Variants in RHOBTB1 observed in about 807,000 individuals in gnomAD.
RHOBTB1 encodes rho-related BTB domain-containing protein 1.
RHOBTB1 carries 40 observed loss-of-function variants against 71.6 expected under a neutral mutation model. That is an observed-to-expected ratio of 0.56 (90% confidence interval 0.43 to 0.73). RHOBTB1 has a LOEUF of 0.73. RHOBTB1 is among the 30% of genes least tolerant of loss of function. The pLI, the probability that RHOBTB1 is intolerant of heterozygous loss-of-function variation, is 0.00. For missense variants in RHOBTB1, 797 were observed against 894.0 expected (o/e 0.89, Z 1.38); for synonymous variants, 319 against 334.9 (o/e 0.95, Z 0.52).
chr10:60,963,390 T>C (rs1295814863), intron 2 of RHOBTB1, among the ~76,000 whole-genome samples: 1 of 152,194 alleles, frequency 6.6e-6, no homozygotes, highest in Non-Finnish European at 1.5e-5. Flanking sequence ...GAAAGATAAA[T>C]TCTCAGGTAT....
chr10:60,943,830 A>G (rs1241638474), intron 1 of RHOBTB1, 141 bp downstream of exon 1: 1 of 148,994 alleles, frequency 6.7e-6, no homozygotes, highest in East Asian at 2.0e-4. Context: ...CGGTCCCACA[A>G]CTCTCTCTCG....
intron 2 of RHOBTB1, among the ~76,000 whole-genome samples, chr10:60,982,664 T>G (rs1206541404): frequency 2.0e-5 from 3 of 152,128 alleles, no homozygotes; most frequent in African/African-American, 7.2e-5. Context: ...TTCCTCCTAT[T>G]GGGAACCTCT....
At chr10:60,940,259 A>AATAATTTG (rs1301331788) in intron 2 of RHOBTB1, among the ~76,000 whole-genome samples, 2 of 152,328 alleles carry the variant, frequency 1.3e-5, no homozygotes, top group African/African-American at 4.8e-5. Flanking sequence ...GGTTTGCTTT[A>AATAATTTG]ATAATTTGTT....
intron 2 of RHOBTB1, among the ~76,000 whole-genome samples, chr10:60,932,456 T>C (rs1401962647): frequency 6.7e-6 from 1 of 149,344 alleles, no homozygotes; most frequent in Non-Finnish European, 1.5e-5. Flanking sequence ...CATCAAGCTG[T>C]ACATTTGCGA....
chr10:60,901,618 A>G (rs1317019498), intron 4 of RHOBTB1, among the ~76,000 whole-genome samples: 1 of 152,224 alleles, frequency 6.6e-6, no homozygotes, highest in African/African-American at 2.4e-5. Context: ...TTGAAAGGAA[A>G]AACTGTATGG....
chr10:60,902,188 G>A (rs1227934185), intron 4 of RHOBTB1, among the ~76,000 whole-genome samples: 7 of 152,220 alleles, frequency 4.6e-5, no homozygotes, highest in Non-Finnish European at 1.0e-4. Context: ...GTGGCACAGA[G>A]AATGGTACAT....
chr10:60,996,221 C>G (rs988080863), intron 1 of RHOBTB1, among the ~76,000 whole-genome samples: 3 of 152,176 alleles, frequency 2.0e-5, no homozygotes, highest in African/African-American at 7.2e-5. Flanking sequence ...AATGAAGACT[C>G]TTTATTTTCC....
chr10:60,988,394 A>G (rs1305118325), intron 1 of RHOBTB1, among the ~76,000 whole-genome samples: 2 of 151,988 alleles, frequency 1.3e-5, no homozygotes, highest in African/African-American at 4.8e-5. Flanking sequence ...TTTGGGGTAC[A>G]AATTTTCCTG....
the RHOBTB1 span, among the ~76,000 whole-genome samples, chr10:60,862,167 T>C: frequency 6.6e-6 from 1 of 151,330 alleles, no homozygotes; most frequent in Non-Finnish European, 1.5e-5. Context: ...TTCCTCTCTC[T>C]CTTTCTTTCT....
intron 2 of RHOBTB1, among the ~76,000 whole-genome samples, chr10:60,939,108 T>C (rs1032649474): frequency 6.6e-6 from 1 of 152,308 alleles, no homozygotes; most frequent in Non-Finnish European, 1.5e-5. Context: ...ATTGCTTTCT[T>C]CTAGACCTAT....
At chr10:60,906,262 T>G (rs2082670674) in intron 4 of RHOBTB1, among the ~76,000 whole-genome samples, 1 of 152,226 alleles carries the variant, frequency 6.6e-6, no homozygotes, top group South Asian at 2.1e-4. Context: ...GGATGTATCA[T>G]TTTTACTGAA....
rs549409907 is a variant in RHOBTB1 at position 60,909,501 on chromosome 10, A to G, written c.296+1386T>C. ...TGGGGATATAAAAAAGTCCTTTGAA[A>G]TCTACTGTATTTATCCTTACACTGC... On this transcript the variant is annotated intron_variant, in intron 4 of 10. Transcript: ENST00000337910. 6.6e-5 allele frequency among the ~76,000 whole-genome samples: 10 copies of G among 152,258 alleles called. No individual in the cohort carries two copies. In the East Asian group the frequency reaches 1.9e-3, roughly 29 times the overall value.
At chr10:60,964,015 C>G (rs912078480) in intron 2 of RHOBTB1, among the ~76,000 whole-genome samples, 10 of 152,106 alleles carry the variant, frequency 6.6e-5, no homozygotes, top group Admixed American at 3.3e-4. Context: ...TCACAACATT[C>G]TCTACCCCCA....
At chr10:60,876,111 A>C (rs538060889) in intron 8 of RHOBTB1, among the ~76,000 whole-genome samples, 2 of 152,292 alleles carry the variant, frequency 1.3e-5, no homozygotes, top group Admixed American at 6.5e-5. Context: ...TTTGGAACTA[A>C]ATTTCCCAGA....
At chr10:60,913,031 A>G (rs1035001760) in intron 2 of RHOBTB1, 9 of 152,200 alleles carry the variant, frequency 5.9e-5, no homozygotes, top group African/African-American at 1.9e-4. Context: ...AGTAAAGCCT[A>G]ATACATAATT....
chr10:60,942,987 T>C (rs1289668321), intron 1 of RHOBTB1, among the ~76,000 whole-genome samples: 1 of 152,068 alleles, frequency 6.6e-6, no homozygotes, highest in Non-Finnish European at 1.5e-5. Context: ...CAAGGCTCAG[T>C]GAACAGCACA....
intron 5 of RHOBTB1, among the ~76,000 whole-genome samples, chr10:60,890,594 T>C (rs1307025969): frequency 6.6e-6 from 1 of 152,138 alleles, no homozygotes. Flanking sequence ...GTGACACACA[T>C]CACAAAGTAT....
intron 2 of RHOBTB1, among the ~76,000 whole-genome samples, chr10:60,930,760 T>C (rs2084197310): frequency 6.6e-6 from 1 of 152,160 alleles, no homozygotes; most frequent in Non-Finnish European, 1.5e-5. Flanking sequence ...ACTGCTCAAA[T>C]CTGTCTTTCT....
At chr10:60,961,803 CT>C (rs1360449570) in intron 2 of RHOBTB1, among the ~76,000 whole-genome samples, 8 of 130,816 alleles carry the variant, frequency 6.1e-5, no homozygotes, top group African/African-American at 1.9e-4. Flanking sequence ...GATTTATAAC[CT>C]TTTTTTGTTT....
Sources: allele counts gnomAD v4.1 joint callset (sites outside exome capture counted in the v4.1 genomes callset), GRCh38; gene constraint gnomAD v4.1.1; transcripts MANE v1.5; gene names NCBI Gene and HGNC (gene_info 2026-07-23, HGNC 2026-07-21).